CHST9: variants seen among roughly 807,000 people sequenced by gnomAD.
CHST9 encodes the protein carbohydrate sulfotransferase 9, also known as GalNAc-4-sulfotransferase 2.
Under a neutral mutation model 44.4 loss-of-function variants are expected in CHST9, and 41 were observed. The ratio of observed to expected loss-of-function variants is 0.92; its 90% CI spans 0.72 to 1.20. The LOEUF (loss-of-function observed/expected upper bound fraction) is 1.20, where lower values mean the gene tolerates loss of function less well. CHST9 is among the 50% of genes most tolerant of loss of function. CHST9 has a pLI of 0.00. For missense variants in CHST9, 504 were observed against 516.5 expected, an observed-to-expected ratio of 0.98 and a Z score of 0.23; for synonymous variants, 171 against 178.4, an observed-to-expected ratio of 0.96 and a Z score of 0.33.
chr18:27,062,066 ACT>A (rs1187414572), intron 2 of CHST9, among the ~76,000 whole-genome samples: 1 of 152,076 alleles, frequency 6.6e-6, no homozygotes, highest in African/African-American at 2.4e-5. Flanking sequence ...AACTGGGCAC[ACT>A]CAGTCCTCTC....
chr18:27,164,176 A>T (rs760040905), intron 1 of CHST9, among the ~76,000 whole-genome samples: 1 of 152,338 alleles, frequency 6.6e-6, no homozygotes, highest in Non-Finnish European at 1.5e-5. Context: ...TGAGGCAAAG[A>T]ATGTGGGGAC....
At chr18:27,089,700 A>T (rs1361326760) in intron 2 of CHST9, among the ~76,000 whole-genome samples, 1 of 152,134 alleles carries the variant, frequency 6.6e-6, no homozygotes, top group Non-Finnish European at 1.5e-5. Flanking sequence ...TAGATCCTTG[A>T]GGAATTGCCA....
intron 4 of CHST9, among the ~76,000 whole-genome samples, chr18:26,945,167 AC>A (rs546578222): frequency 1.3e-5 from 2 of 152,346 alleles, no homozygotes; most frequent in South Asian, 4.1e-4. Flanking sequence ...TTAGTGTGTT[AC>A]AAACATTTTA....
At chr18:27,107,634 G>A (rs776362752) in intron 2 of CHST9, among the ~76,000 whole-genome samples, 4 of 152,164 alleles carry the variant, frequency 2.6e-5, no homozygotes, top group Non-Finnish European at 5.9e-5. Flanking sequence ...AACAGCTCTG[G>A]AGTGCACATG....
At chr18:26,977,187 T>A (rs1483730228) in intron 4 of CHST9, among the ~76,000 whole-genome samples, 1 of 152,144 alleles carries the variant, frequency 6.6e-6, no homozygotes, top group Non-Finnish European at 1.5e-5. Context: ...ATAAAGCCTT[T>A]TAATTTGTAC....
At chr18:27,082,574 G>A (rs1290347814) in intron 2 of CHST9, among the ~76,000 whole-genome samples, 3 of 152,104 alleles carry the variant, frequency 2.0e-5, no homozygotes, top group Non-Finnish European at 1.5e-5. Context: ...TAAAATTAAT[G>A]ACTGAATTAC....
chr18:26,918,059 G>A, intron 5 of CHST9, among the ~76,000 whole-genome samples: 1 of 152,058 alleles, frequency 6.6e-6, no homozygotes, highest in South Asian at 2.1e-4. Context: ...ACTGTATCAA[G>A]GTAGAGCAAA....
At chr18:27,104,348 G>A (rs761714294) in intron 2 of CHST9, among the ~76,000 whole-genome samples, 1 of 152,212 alleles carries the variant, frequency 6.6e-6, no homozygotes, top group Non-Finnish European at 1.5e-5. Flanking sequence ...TCTGTGCTGT[G>A]CTAACTTCAT....
At chr18:26,929,169 A>T (rs532386492) in intron 5 of CHST9, among the ~76,000 whole-genome samples, 60 of 152,278 alleles carry the variant, frequency 3.9e-4, no homozygotes, top group Non-Finnish European at 8.8e-5. Flanking sequence ...GGAACACCCT[A>T]CAACTAGATG....
intron 1 of CHST9, among the ~76,000 whole-genome samples, chr18:27,165,205 C>T (rs1337693068): frequency 2.6e-5 from 4 of 152,068 alleles, no homozygotes; most frequent in African/African-American, 9.7e-5. Flanking sequence ...AATATTTAGA[C>T]AATGATGAAG....
chr18:27,032,813 A>G (rs2057354754), intron 3 of CHST9, among the ~76,000 whole-genome samples: 1 of 152,348 alleles, frequency 6.6e-6, no homozygotes, highest in South Asian at 2.1e-4. Flanking sequence ...AAGGTGAGAA[A>G]GGTGAAGGTC....
intron 1 of CHST9, among the ~76,000 whole-genome samples, chr18:27,175,658 A>C (rs1277648121): frequency 6.6e-6 from 1 of 151,922 alleles, no homozygotes; most frequent in Admixed American, 6.6e-5. Flanking sequence ...GGGTGGATAC[A>C]TGTGTGTGTT....
chr18:26,970,620 G>C (rs2056529203), intron 4 of CHST9, among the ~76,000 whole-genome samples: 1 of 152,148 alleles, frequency 6.6e-6, no homozygotes, highest in South Asian at 2.1e-4. Context: ...TAGAGATGGG[G>C]TTTCACCATG....
chr18:26,950,568 G>T lies in CHST9; in HGVS notation c.203-6202C>A, dbSNP rs546164752. The stretch of plus-strand genomic sequence containing the variant: ...AAAATGGAATGAAACAATGGCATTT[G>T]CAACAACTTGGATGGAGCTAGAGGC... On this transcript the variant is annotated intron_variant, in intron 4 of 5. Coordinates refer to ENST00000618847, the MANE Select transcript of CHST9 (RefSeq NM_031422.6). Among the ~76,000 whole-genome samples, 116 of 152,288 alleles carry T rather than the reference G, an allele frequency of 7.6e-4. 1 individual carries two copies. Among genetic ancestry groups the T allele is most frequent in the African/African-American group, 2.7e-3 (114 of 41,552 alleles).
chr18:27,067,283 C>T (rs1253490091), intron 2 of CHST9, among the ~76,000 whole-genome samples: 1 of 151,818 alleles, frequency 6.6e-6, no homozygotes, highest in African/African-American at 2.4e-5. Flanking sequence ...TTAAGCATCT[C>T]TTTGGAGAGC....
intron 5 of CHST9, among the ~76,000 whole-genome samples, chr18:26,937,383 C>G (rs999339971): frequency 6.6e-6 from 1 of 152,072 alleles, no homozygotes; most frequent in Non-Finnish European, 1.5e-5. Flanking sequence ...CAGACTGCTT[C>G]AGTATTGGTG....
chr18:27,159,595 C>T (rs1258670851), intron 1 of CHST9, among the ~76,000 whole-genome samples: 3 of 152,090 alleles, frequency 2.0e-5, no homozygotes, highest in East Asian at 3.9e-4. Context: ...AATGCAGGCT[C>T]GTTTTTGGTT....
At chr18:27,112,315 G>A (rs2058278292) in intron 2 of CHST9, among the ~76,000 whole-genome samples, 2 of 151,088 alleles carry the variant, frequency 1.3e-5, no homozygotes, top group Non-Finnish European at 2.9e-5. Flanking sequence ...TTTGGATTGT[G>A]GAATATCTGC....
At chr18:27,145,100 A>G (rs940622007) in intron 1 of CHST9, among the ~76,000 whole-genome samples, 1 of 152,246 alleles carries the variant, frequency 6.6e-6, no homozygotes, top group Non-Finnish European at 1.5e-5. Context: ...TTGATTAGAA[A>G]AAAAAACCCA....
Sources: gnomAD v4.1 joint callset for allele counts (sites outside exome capture counted in the v4.1 genomes callset) on GRCh38, gnomAD v4.1.1 for gene constraint, MANE v1.5 for transcripts, NCBI Gene and HGNC (gene_info 2026-07-23, HGNC 2026-07-21) for gene names.